TCFL5: variants seen among roughly 807,000 people sequenced by gnomAD.
TCFL5 encodes the protein transcription factor like 5, also known as transcription factor-like 5 protein.
A neutral mutation model predicts 44.3 loss-of-function variants in TCFL5; 9 were observed. That is an observed-to-expected ratio of 0.20 (90% CI 0.12 to 0.35). The LOEUF (loss-of-function observed/expected upper bound fraction) is 0.35. Ranked by LOEUF, TCFL5 falls within the 10% of genes least tolerant of loss-of-function variation. TCFL5 has a pLI of 1.00. For missense variants in TCFL5, 603 were observed against 613.4 expected, an observed-to-expected ratio of 0.98 and a Z score of 0.18; for synonymous variants, 319 against 271.6, an observed-to-expected ratio of 1.17 and a Z score of -1.72.
At chr20:62,850,634 A>G (rs896133638) in intron 5 of TCFL5, among the ~76,000 whole-genome samples, 4 of 152,084 alleles carry the variant, frequency 2.6e-5, no homozygotes, top group African/African-American at 9.7e-5. Context: ...ACTCCCTAGC[A>G]TCCAGTGTCC....
Position 62,841,845 on chromosome 20 carries a change from G to T in TCFL5, c.*130C>A. The T allele has an allele frequency of 1.6e-6, 2 of 1,252,164 alleles. No individual in the cohort carries two copies. The highest frequency in any genetic ancestry group is 5.0e-5 in the East Asian group (2 of 39,898). The allele number at this position is 1,252,164 out of a possible 1,614,324, so 77.6% of individuals were successfully genotyped here. A position where few individuals can be genotyped will look rare whatever the true frequency, so the allele number is the denominator to read the frequency against. ...AAAATGTGCTCTCAAAGTCCCTACT[G>T]GAGTCCCGTCAGCTTGAGTCACGCC... On this transcript the variant is annotated 3_prime_UTR_variant, in exon 6 of 6. Coordinates refer to ENST00000335351, the MANE Select transcript of TCFL5 (RefSeq NM_006602.4).
intron 5 of TCFL5, chr20:62,852,381 G>A (rs955867874): frequency 1.0e-5 from 10 of 982,196 alleles, no homozygotes; most frequent in Admixed American, 6.1e-5. Context: ...TGAAGGCAGG[G>A]CCCAGAACCC....
intron 3 of TCFL5, among the ~76,000 whole-genome samples, chr20:62,858,349 G>A (rs6090143): frequency 0.034 from 5,118 of 152,120 alleles, 291 homozygotes; most frequent in African/African-American, 0.11. Flanking sequence ...GGATGATGAA[G>A]CTTTCAGCAG....
In TCFL5 at chr20:62,861,033, G is replaced by T; in HGVS notation, c.638C>A (p.Ala213Glu). ...GCCGCCGGGCACGCACTTGTTGAGC[G>T]CCCCGCCCGGCTCGGGGGGCTCGGG... ...RGPEPPEPGG[A>E]LNNLVTLIRH... The change falls in exon 1 of 6, where the codon GCG becomes GAG. Residue 213 changes from alanine to glutamate, a missense_variant. By Grantham distance (107) the Ala-to-Glu change is moderately radical (BLOSUM62 -1). Transcript: ENST00000335351. This position sits in a 1 kb window ranked among gnomAD's most constrained non-coding sequence, Gnocchi z 4.0. 1 of 994,304 alleles carries T rather than the reference G, an allele frequency of 1.0e-6. No individual in the cohort carries two copies. The highest frequency in any genetic ancestry group is 1.8e-5 in the African/African-American group (1 of 57,142). The allele number at this position is 994,304 out of a possible 1,614,324, so 61.6% of individuals were successfully genotyped here. A position where few individuals can be genotyped will look rare whatever the true frequency, so the allele number is the denominator to read the frequency against.
intron 5 of TCFL5, 82 bp downstream of exon 5, chr20:62,853,934 T>C: frequency 6.8e-7 from 1 of 1,475,390 alleles, no homozygotes; most frequent in Non-Finnish European, 9.3e-7. Context: ...AAAGGATAGT[T>C]TGAGTTATCC....
intron 4 of TCFL5, among the ~76,000 whole-genome samples, chr20:62,857,131 G>A (rs2063905665): frequency 6.6e-6 from 1 of 152,190 alleles, no homozygotes; most frequent in Non-Finnish European, 1.5e-5. Flanking sequence ...ACGCGCCTTT[G>A]CTGATCGCAC....
Position 62,861,558 on chromosome 20 carries a change from C to A in TCFL5, c.113G>T (p.Ser38Ile), listed in dbSNP as rs1367588822. 1 of 1,134,766 alleles carries A rather than the reference C, an allele frequency of 8.8e-7. No homozygotes were observed. Among genetic ancestry groups the A allele is most frequent in the South Asian group, 3.1e-5 (1 of 31,886 alleles). 70.3% of individuals were successfully genotyped at this position (1,134,766 alleles called of 1,614,324 possible). A position where few individuals can be genotyped will look rare whatever the true frequency, so the allele number is the denominator to read the frequency against. ...CAGGCTCAGGTCGGTGGTCGTGAAG[C>A]TCAGCCCCGGCTCGCCCAGCGCCGC... ...GDAALGEPGLSFTTTDLSLVE... is the reference protein window; with the variant it reads ...GDAALGEPGLIFTTTDLSLVE... The change falls in exon 1 of 6, where the codon AGC (serine) becomes ATC (isoleucine). Residue 38 changes from serine (S) to isoleucine (I), a missense_variant. By Grantham distance (142) the Ser-to-Ile change is moderately radical (BLOSUM62 -2). Around this residue, in one of 4 missense-constraint regions of TCFL5, gnomAD observed 540 missense variants for 478.7 expected, o/e 1.13. Transcript: ENST00000335351. The surrounding 1 kb of genome is among the most constrained non-coding windows in gnomAD (Gnocchi z 4.0).
At chr20:62,845,172 G>C (rs926509527) in intron 5 of TCFL5, 2 of 977,780 alleles carry the variant, frequency 2.0e-6, no homozygotes, top group African/African-American at 3.5e-5. Flanking sequence ...CCCAGACTGG[G>C]GTGCAATGGC....
At chr20:62,847,474 C>T (rs991522900) in intron 5 of TCFL5, among the ~76,000 whole-genome samples, 1 of 152,234 alleles carries the variant, frequency 6.6e-6, no homozygotes, top group Non-Finnish European at 1.5e-5. Flanking sequence ...AATGACTGAG[C>T]CCCAGAAAGA....
At chr20:62,846,907 G>A (rs928371911) in intron 5 of TCFL5, among the ~76,000 whole-genome samples, 4 of 152,122 alleles carry the variant, frequency 2.6e-5, no homozygotes, top group Admixed American at 2.6e-4. Context: ...GAAAGCGGCC[G>A]GGTGCAGTGG....
chr20:62,860,918 G>C (rs1600867097), intron 1 of TCFL5, 106 bp downstream of exon 1: 1 of 894,612 alleles, frequency 1.1e-6, no homozygotes, highest in Non-Finnish European at 1.3e-6. Context: ...CGGGAGGGCA[G>C]GCTGGGGGCG....
At position 62,860,971 on chromosome 20, in the gene TCFL5, CCGGCCT is replaced by C. The variant is rs1196922801; in HGVS notation, c.647+47_647+52del. Reference sequence around the variant, plus strand: ...CTTTGCCTCCGCCCCGGCCCCGGCCCCGGCCTCGGCCTCCACCCGGGCCCCGCCAGC... The same window carrying C: ...CTTTGCCTCCGCCCCGGCCCCGGCCCCGGCCTCCACCCGGGCCCCGCCAGC... On this transcript the variant is annotated intron_variant, in intron 1 of 5. Coordinates refer to ENST00000335351, the MANE Select transcript of TCFL5 (RefSeq NM_006602.4). The C allele has an allele frequency of 5.2e-5, 49 of 950,280 alleles. 1 individual carries two copies. The South Asian group carries it at 1.9e-3, about 37-fold the overall frequency. The allele number at this position is 950,280 out of a possible 1,614,324, so 58.9% of individuals were successfully genotyped here. A position where few individuals can be genotyped will look rare whatever the true frequency, so the allele number is the denominator to read the frequency against.
chr20:62,841,883 G>C lies in TCFL5; in HGVS notation c.*92C>G. 1 of 1,543,648 alleles carries C rather than the reference G, an allele frequency of 6.5e-7. No individual in the cohort carries two copies. The highest frequency in any genetic ancestry group is 8.8e-7 in the Non-Finnish European group (1 of 1,141,286). ...CTTGAGTCACGCCCTTTTCGAGTCA[G>C]ACTAGCCGAGCAGAGCTCCAGGGTT... On this transcript the variant is annotated 3_prime_UTR_variant, in exon 6 of 6. Transcript: ENST00000335351.
chr20:62,860,588 G>A (rs555234156), intron 1 of TCFL5, among the ~76,000 whole-genome samples: 1 of 152,344 alleles, frequency 6.6e-6, no homozygotes, highest in Non-Finnish European at 1.5e-5. Flanking sequence ...TACAGGCTGG[G>A]ATGAGCAGAA....
In TCFL5 at chr20:62,857,524, G is replaced by A; in HGVS notation, c.1109C>T (p.Thr370Ile). The change falls in exon 4 of 6, where the codon ACC (threonine) becomes ATC (isoleucine). Residue 370 changes from threonine (T) to isoleucine (I), a missense_variant. Coordinates refer to ENST00000335351, the MANE Select transcript of TCFL5 (RefSeq NM_006602.4). ...GEIQNVGEGATATQGAWQSSE... is the reference protein window; with the variant it reads ...GEIQNVGEGAIATQGAWQSSE... ...GGACTGCCAAGCGCCTTGTGTGGCG[G>A]TGGCACCTTCGCCCACATTCTGAAT... 3 of 1,614,230 alleles carry A rather than the reference G, an allele frequency of 1.9e-6. No individual in the cohort carries two copies. The highest frequency in any genetic ancestry group is 2.5e-6 in the Non-Finnish European group (3 of 1,180,046).
At chr20:62,843,784 C>G (rs954395482) in intron 5 of TCFL5, among the ~76,000 whole-genome samples, 5 of 152,208 alleles carry the variant, frequency 3.3e-5, no homozygotes, top group Admixed American at 3.3e-4. Flanking sequence ...ACGTACCAGT[C>G]CACTTTCTGT....
chr20:62,855,445 C>T (rs2063873222), intron 4 of TCFL5, among the ~76,000 whole-genome samples: 1 of 152,214 alleles, frequency 6.6e-6, no homozygotes, highest in South Asian at 2.1e-4. Context: ...TGCACCCTGC[C>T]CCAGCAAGTT....
At position 62,861,791 on chromosome 20, in the gene TCFL5, G is replaced by T. The variant is rs1162270630; in HGVS notation, c.-121C>A. ...CACTACTCTGCGCCGGCCACAGCCGGCGCGCCGTTGGGGGAGGGAAAACCG... is the reference window on the plus strand; with the variant it reads ...CACTACTCTGCGCCGGCCACAGCCGTCGCGCCGTTGGGGGAGGGAAAACCG... On this transcript the variant is annotated 5_prime_UTR_variant, in exon 1 of 6. Transcript: ENST00000335351. This position sits in a 1 kb window ranked among gnomAD's most constrained non-coding sequence, Gnocchi z 4.0. The T allele has an allele frequency of 2.0e-5, 3 of 147,840 alleles. No individual in the cohort carries two copies. Among genetic ancestry groups the T allele is most frequent in the Admixed American group, 2.0e-4 (3 of 14,822 alleles). The allele number at this position is 147,840 out of a possible 1,614,324, so 9.2% of individuals were successfully genotyped here.
chr20:62,856,942 T>C (rs2063902039), intron 4 of TCFL5, among the ~76,000 whole-genome samples: 1 of 152,136 alleles, frequency 6.6e-6, no homozygotes, highest in Non-Finnish European at 1.5e-5. Context: ...GACTGGACTG[T>C]GGTTGCATGC....
Sources: gnomAD v4.1 joint callset for allele counts (sites outside exome capture counted in the v4.1 genomes callset) on GRCh38, gnomAD v4.1.1 for gene constraint, gnomAD v4.1.1 regional missense constraint, Gnocchi (gnomAD v3.1) non-coding constraint, MANE v1.5 for transcripts, NCBI Gene and HGNC (gene_info 2026-07-23, HGNC 2026-07-21) for gene names.